The following IFT122 variants were observed in gnomAD, a reference collection of about 807,000 sequenced individuals.
The protein encoded by IFT122 is intraflagellar transport protein 122 homolog.
In IFT122, 118 loss-of-function variants were observed where a neutral mutation model predicts 161.6. The ratio of observed to expected loss-of-function variants is 0.73; its 90% confidence interval spans 0.63 to 0.85. The LOEUF (loss-of-function observed/expected upper bound fraction) is 0.85. Ranked by LOEUF, IFT122 falls within the 40% of genes least tolerant of loss-of-function variation. IFT122 has a pLI of 0.00. For synonymous variants in IFT122, 550 were observed against 602.4 expected, an observed-to-expected ratio of 0.91 and a Z score of 1.27; for missense variants, 1,381 against 1,579.6, an observed-to-expected ratio of 0.87 and a Z score of 2.13.
At chr3:129,491,341 A>G (rs1240312865) in intron 16 of IFT122, among the ~76,000 whole-genome samples, 1 of 152,216 alleles carries the variant, frequency 6.6e-6, no homozygotes, top group Non-Finnish European at 1.5e-5. Flanking sequence ...ATGGGGCAAT[A>G]AATGGTGACA....
intron 2 of IFT122, among the ~76,000 whole-genome samples, chr3:129,450,956 G>T (rs1039565020): frequency 6.6e-6 from 1 of 151,864 alleles, no homozygotes; most frequent in African/African-American, 2.4e-5. Context: ...TCCTGACCTC[G>T]TAATCCACCC....
chr3:129,476,404 GC>G lies in IFT122; in HGVS notation c.907del (p.Gln303LysfsTer67), dbSNP rs2077956646. ...EYILLGGSDK[Q>X]VSLFTKDGVR... The stretch of plus-strand genomic sequence containing the variant: ...ACATTTTGCTGGGGGGTTCAGACAA[GC>G]AAGTATCTCTTTTCACCAAGGATGG... On this transcript the variant is annotated frameshift_variant, in exon 10 of 30. Coordinates refer to ENST00000348417, the MANE Select transcript of IFT122 (RefSeq NM_052989.3). LOFTEE classifies it high-confidence loss of function. 1 of 1,614,068 alleles carries G rather than the reference GC, an allele frequency of 6.2e-7. No homozygotes were observed. Among genetic ancestry groups the G allele is most frequent in the Admixed American group, 1.7e-5 (1 of 60,006 alleles).
intron 24 of IFT122, chr3:129,514,184 TTA>T: frequency 1.4e-6 from 1 of 698,652 alleles, no homozygotes; most frequent in Non-Finnish European, 2.6e-6. Context: ...TACGCTGTTT[TTA>T]TCTTTGGAAA....
Position 129,519,141 on chromosome 3 carries a change from C to T in IFT122, c.3426C>T (p.Asp1142=). 6.2e-7 allele frequency: 1 copy of T among 1,614,110 alleles called. No individual in the cohort carries two copies. The highest frequency in any genetic ancestry group is 1.1e-5 in the South Asian group (1 of 91,084). The change falls in exon 28 of 30, where the codon GAC becomes GAT. Residue 1142 remains aspartate (D), a synonymous_variant. Transcript: ENST00000348417. ...SQILRLVETK[D]SIGDEDPFTA... The stretch of plus-strand genomic sequence containing the variant: ...TTCTGCGGCTAGTGGAGACCAAGGA[C>T]TCCATCGGAGATGAGGACCCGTTCA...
chr3:129,517,267 T>TGCGCGCGCGCGC (rs1393052402), intron 26 of IFT122, among the ~76,000 whole-genome samples: 1 of 89,784 alleles, frequency 1.1e-5, no homozygotes, highest in African/African-American at 5.8e-5. Context: ...ACATTGCTCC[T>TGCGCGCGCGCGC]GCACACACAC....
chr3:129,515,065 A>G, intron 25 of IFT122: 1 of 374,500 alleles, frequency 2.7e-6, no homozygotes, highest in Admixed American at 3.9e-5. Context: ...TCCCGGCTCC[A>G]CCCTCTCCTA....
At chr3:129,442,695 ATAG>A (rs1490204246) in intron 1 of IFT122, among the ~76,000 whole-genome samples, 3 of 152,024 alleles carry the variant, frequency 2.0e-5, no homozygotes, top group African/African-American at 7.2e-5. Flanking sequence ...TAACCTTCAC[ATAG>A]CAGCAGGAAC....
At position 129,483,306 on chromosome 3, in the gene IFT122, C is replaced by G. The variant is rs183268146; in HGVS notation, c.1654-179C>G. On this transcript the variant is annotated intron_variant, in intron 14 of 29. Transcript: ENST00000348417. Reference sequence around the variant, plus strand: ...CGCAGGTGCATGGAGGGGCTTGCCTCTGTTCATTTCTCTTGCCTCTGTTCA... The same window carrying G: ...CGCAGGTGCATGGAGGGGCTTGCCTGTGTTCATTTCTCTTGCCTCTGTTCA... Among the ~76,000 whole-genome samples the G allele has an allele frequency of 1.8e-4, 27 of 152,134 alleles. No homozygotes were observed. In the East Asian group the frequency reaches 5.0e-3, roughly 28 times the overall value.
At position 129,495,625 on chromosome 3, in the gene IFT122, A is replaced by G. The variant is rs751755339; in HGVS notation, c.2208+18A>G. 1.2e-6 allele frequency: 2 copies of G among 1,614,114 alleles called. No homozygotes were observed. Among genetic ancestry groups the G allele is most frequent in the East Asian group, 2.2e-5 (1 of 44,886 alleles). ...ATGCCAAGGTAACCTACCCTGTCCC[A>G]GGCCCAAGCTCCAGCTTGGAGCCCA... is the stretch of plus-strand genomic sequence containing the variant. On this transcript the variant is annotated intron_variant, in intron 18 of 29. Coordinates refer to ENST00000348417, the MANE Select transcript of IFT122 (RefSeq NM_052989.3).
chr3:129,467,081 G>T lies in IFT122; in HGVS notation c.740+15G>T. 6.2e-7 allele frequency: 1 copy of T among 1,611,214 alleles called. No homozygotes were observed. The highest frequency in any genetic ancestry group is 8.5e-7 in the Non-Finnish European group (1 of 1,178,720). ...GACGACAACTTGTGAGTGTGTCCCAGTGAGTGGGAACCCTTCTGGTAAGGG... is the reference window on the plus strand; with the variant it reads ...GACGACAACTTGTGAGTGTGTCCCATTGAGTGGGAACCCTTCTGGTAAGGG... On this transcript the variant is annotated intron_variant, in intron 8 of 29. Transcript: ENST00000348417.
In IFT122 at chr3:129,495,461, G is replaced by A; in HGVS notation, c.2062G>A (p.Gly688Arg). ...ATTTTTCCAGGAGAGGAAGAAGCGGGGAGAGACCAACAATGACCTGTTTCT... is the reference window on the plus strand; with the variant it reads ...ATTTTTCCAGGAGAGGAAGAAGCGGAGAGAGACCAACAATGACCTGTTTCT... ...ISSIEERKKR[G>R]ETNNDLFLAD... Residue 688 changes from glycine to arginine, a missense_variant, in exon 18 of 30, where the codon GGA becomes AGA. Physicochemically the swap from Gly to Arg is moderately radical, Grantham distance 125. Coordinates refer to ENST00000348417, the MANE Select transcript of IFT122 (RefSeq NM_052989.3). 2.5e-6 allele frequency: 4 copies of A among 1,614,156 alleles called. 1 individual carries two copies. The South Asian group carries it at 3.3e-5, about 13-fold the overall frequency.
At chr3:129,472,359 T>A (rs2077452003) in intron 9 of IFT122, among the ~76,000 whole-genome samples, 2 of 151,392 alleles carry the variant, frequency 1.3e-5, no homozygotes, top group African/African-American at 2.4e-5. Flanking sequence ...AGAGATAGGG[T>A]CTCCTATGTT....
At chr3:129,447,718 G>C (rs993994233) in intron 1 of IFT122, among the ~76,000 whole-genome samples, 2 of 152,094 alleles carry the variant, frequency 1.3e-5, no homozygotes, top group Non-Finnish European at 2.9e-5. Context: ...TCACCATGTT[G>C]GTCAGGCTGG....
At chr3:129,498,616 A>G (rs2081173202) in intron 18 of IFT122, among the ~76,000 whole-genome samples, 1 of 152,138 alleles carries the variant, frequency 6.6e-6, no homozygotes, top group Non-Finnish European at 1.5e-5. Context: ...CCGACCTAAT[A>G]CTCTGAAAGC....
chr3:129,481,571 G>T lies in IFT122; in HGVS notation c.1530G>T (p.Leu510=), dbSNP rs2108328424. The T allele has an allele frequency of 6.3e-7, 1 of 1,588,106 alleles. No homozygotes were observed. Among genetic ancestry groups the T allele is most frequent in the East Asian group, 2.2e-5 (1 of 44,734 alleles). The change falls in exon 14 of 30, where the codon CTG becomes CTT. Residue 510 remains leucine, a synonymous_variant. Coordinates refer to ENST00000348417, the MANE Select transcript of IFT122 (RefSeq NM_052989.3). ...TGGACAATCTCTTTGCTATCGTCCT[G>T]CTGAAGCAGGCCACAGCTGTGCGCT... ...IFVDNLFAIV[L]LKQATAVRCL... is the part of the protein sequence containing the mutation.
rs577575087 is a variant in IFT122, at chr3:129,501,993, C to G, written c.2376-718C>G. On this transcript the variant is annotated intron_variant, in intron 19 of 29. Transcript: ENST00000348417. ...AGTTAGTTTGACTCCAAATTCCAGCCTGACCAGAGAGAACAAGCGCATTCT... is the reference window on the plus strand; with the variant it reads ...AGTTAGTTTGACTCCAAATTCCAGCGTGACCAGAGAGAACAAGCGCATTCT... Among the ~76,000 whole-genome samples the G allele has an allele frequency of 2.0e-4, 30 of 152,318 alleles. No homozygotes were observed. The Middle Eastern group carries it at 0.017, about 86-fold the overall frequency.
At chr3:129,507,893 C>A in intron 23 of IFT122, 131 bp downstream of exon 23, 1 of 750,664 alleles carries the variant, frequency 1.3e-6, no homozygotes, top group Non-Finnish European at 2.4e-6. Context: ...GAATCTTGGT[C>A]TCCTCTGGGA....
rs550966225 is a variant in IFT122 at position 129,446,406 on chromosome 3, G to A, written c.42-3465G>A. ...TGCTTGGCTAATTTTTTGTAGAGAC[G>A]GGGTTTCACCGTGTTAGCCAGGATG... On this transcript the variant is annotated intron_variant, in intron 1 of 29. Transcript: ENST00000348417. Among the ~76,000 whole-genome samples the A allele has an allele frequency of 2.8e-4, 39 of 137,650 alleles. No homozygotes were observed. In the East Asian group the frequency reaches 7.2e-3, roughly 25 times the overall value. 90.3% of individuals were successfully genotyped at this position (137,650 alleles called of 152,430 possible). A position where few individuals can be genotyped will look rare whatever the true frequency, so the allele number is the denominator to read the frequency against.
intron 27 of IFT122, 25 bp downstream of exon 27, chr3:129,517,619 T>C: frequency 3.1e-6 from 5 of 1,608,956 alleles, no homozygotes; most frequent in South Asian, 2.2e-5. Flanking sequence ...GGCCAGAGCC[T>C]GTGTGTGCGG....
Sources: gnomAD v4.1 joint callset for allele counts (sites outside exome capture counted in the v4.1 genomes callset) on GRCh38, gnomAD v4.1.1 for gene constraint, MANE v1.5 for transcripts, NCBI Gene and HGNC (gene_info 2026-07-23, HGNC 2026-07-21) for gene names.